ELL: variants seen among roughly 807,000 people sequenced by gnomAD.
The protein encoded by ELL is elongation factor for RNA polymerase II, also known as RNA polymerase II elongation factor ELL.
In ELL, 18 loss-of-function variants were observed where a neutral mutation model predicts 64.0. The ratio of observed to expected loss-of-function variants is 0.28; its 90% CI spans 0.19 to 0.42. ELL has a LOEUF of 0.42. ELL is among the 10% of genes least tolerant of loss of function. ELL has a pLI of 1.00. For synonymous variants in ELL, 399 were observed against 376.2 expected, an observed-to-expected ratio of 1.06 and a Z score of -0.70; for missense variants, 797 against 870.4, an observed-to-expected ratio of 0.92 and a Z score of 1.06.
intron 1 of ELL, among the ~76,000 whole-genome samples, chr19:18,504,527 C>T (rs1357906542): frequency 1.3e-5 from 2 of 152,176 alleles, no homozygotes; most frequent in African/African-American, 4.8e-5. Flanking sequence ...AACCTGCAGC[C>T]TGGGTCCGGT....
At chr19:18,521,727 T>C (rs1033911038) in intron 1 of ELL, among the ~76,000 whole-genome samples, 194 bp downstream of exon 1, 2 of 152,006 alleles carry the variant, frequency 1.3e-5, no homozygotes, top group Non-Finnish European at 2.9e-5. Context: ...TATTGCCTCC[T>C]AGTGCTGAGA....
At position 18,468,178 on chromosome 19, in the gene ELL, CACA is replaced by C. The variant is rs771719298; in HGVS notation, c.184-2263_184-2261del. Among the ~76,000 whole-genome samples, 103 of 150,864 alleles carry C rather than the reference CACA, an allele frequency of 6.8e-4. 1 individual carries two copies. The highest frequency in any genetic ancestry group is 1.6e-3 in the African/African-American group (64 of 41,052). ...AACACAACTCACACATAACCACACA[CACA>C]ACCACAACCCACACAAACACAACCC... On this transcript the variant is annotated intron_variant, in intron 2 of 11. Transcript: ENST00000262809.
chr19:18,486,436 G>A (rs916833297), intron 1 of ELL, among the ~76,000 whole-genome samples: 2 of 152,170 alleles, frequency 1.3e-5, no homozygotes, highest in African/African-American at 4.8e-5. Flanking sequence ...AGGTCAGAAG[G>A]AGATGGCAGC....
chr19:18,445,894 T>C (rs1240308822), intron 10 of ELL, among the ~76,000 whole-genome samples: 2 of 152,146 alleles, frequency 1.3e-5, no homozygotes, highest in South Asian at 4.1e-4. Context: ...CCTGCTATAG[T>C]TGTGGCAGCA....
chr19:18,474,112 T>A, intron 1 of ELL, among the ~76,000 whole-genome samples: 1 of 152,304 alleles, frequency 6.6e-6, no homozygotes, highest in East Asian at 1.9e-4. Flanking sequence ...TCAGCACTGT[T>A]CCAGGACTCC....
chr19:18,502,159 C>T (rs113023958), intron 1 of ELL, among the ~76,000 whole-genome samples: 4 of 152,242 alleles, frequency 2.6e-5, no homozygotes, highest in Non-Finnish European at 4.4e-5. Context: ...CAGGAGCACC[C>T]GGGAGGCTCC....
intron 6 of ELL, among the ~76,000 whole-genome samples, chr19:18,457,840 G>T (rs1365683733): frequency 6.6e-6 from 1 of 152,226 alleles, no homozygotes; most frequent in South Asian, 2.1e-4. Context: ...TTTTCAAAAA[G>T]TCAGTGAACT....
chr19:18,518,515 C>A (rs958758813), intron 1 of ELL, among the ~76,000 whole-genome samples: 1 of 149,836 alleles, frequency 6.7e-6, no homozygotes, highest in African/African-American at 2.5e-5. Flanking sequence ...GGGGGCCCAG[C>A]GTGGCGACTC....
At chr19:18,476,582 T>C (rs1321515320) in intron 1 of ELL, among the ~76,000 whole-genome samples, 1 of 152,148 alleles carries the variant, frequency 6.6e-6, no homozygotes, top group Admixed American at 6.5e-5. Context: ...ACTCCTTTCT[T>C]GCCAAGTCGC....
chr19:18,521,768 A>G (rs955315746), intron 1 of ELL, among the ~76,000 whole-genome samples, 153 bp downstream of exon 1: 2 of 151,932 alleles, frequency 1.3e-5, no homozygotes, highest in Non-Finnish European at 2.9e-5. Context: ...TCCAGGCCGG[A>G]CTGGCGCCCA....
rs775267933 is a variant in ELL at position 18,444,820 on chromosome 19, T to C, written c.1798A>G (p.Ser600Gly). Residue 600 changes from serine to glycine, a missense_variant, in exon 12 of 12, where the codon AGC becomes GGC. By Grantham distance (56) the Ser-to-Gly change is moderately conservative. Transcript: ENST00000262809. Reference sequence around the variant, plus strand: ...AGCCTCTTGATGTGGGCCAGCTTGCTGTGCAGGTACTCGCAGCGGTGCTTC... The same window carrying C: ...AGCCTCTTGATGTGGGCCAGCTTGCCGTGCAGGTACTCGCAGCGGTGCTTC... ...QEKHRCEYLH[S>G]KLAHIKRLIA... 5.0e-6 allele frequency: 8 copies of C among 1,612,078 alleles called. No homozygotes were observed. Among genetic ancestry groups the C allele is most frequent in the Non-Finnish European group, 6.8e-6 (8 of 1,179,950 alleles).
intron 8 of ELL, chr19:18,448,511 A>G (rs1480027187): frequency 6.6e-6 from 1 of 152,248 alleles, no homozygotes; most frequent in Non-Finnish European, 1.5e-5. Flanking sequence ...CTCAATGGGC[A>G]TGTATTGAAT....
At chr19:18,514,510 T>A in intron 1 of ELL, among the ~76,000 whole-genome samples, 1 of 106,816 alleles carries the variant, frequency 9.4e-6, no homozygotes, top group Non-Finnish European at 1.7e-5. Context: ...TGAGACTCCA[T>A]CTCAAAAAAA....
At chr19:18,472,734 A>T in intron 2 of ELL, 101 bp downstream of exon 2, 3 of 1,436,594 alleles carry the variant, frequency 2.1e-6, no homozygotes, top group Non-Finnish European at 2.9e-6. Flanking sequence ...ACAGGGCCCA[A>T]ACACTGCCAT....
At position 18,443,492 on chromosome 19, in the gene ELL, AC is replaced by A. The variant is rs753033511; in HGVS notation, c.*1259del. 130 of 233,142 alleles carry A rather than the reference AC, an allele frequency of 5.6e-4. 1 individual carries two copies. In the East Asian group the frequency reaches 6.2e-3, roughly 11 times the overall value. The allele number at this position is 233,142 out of a possible 1,614,324, so 14.4% of individuals were successfully genotyped here. A position where few individuals can be genotyped will look rare whatever the true frequency, so the allele number is the denominator to read the frequency against. On this transcript the variant is annotated 3_prime_UTR_variant, in exon 12 of 12. Transcript: ENST00000262809. ...GGGCCCTGAGTCACAGCCGCCATCC[AC>A]CCCCCACCACCTTTCCAAGTCATGG...
intron 1 of ELL, among the ~76,000 whole-genome samples, chr19:18,490,273 G>C (rs552421629): frequency 7.0e-6 from 1 of 143,804 alleles, no homozygotes; most frequent in African/African-American, 2.5e-5. Flanking sequence ...AACCATTTGA[G>C]GGCCGGCTGG....
intron 1 of ELL, among the ~76,000 whole-genome samples, chr19:18,512,154 C>CAA (rs35682497): frequency 5.9e-4 from 79 of 134,522 alleles, no homozygotes; most frequent in African/African-American, 1.9e-3. Context: ...GACTCCGTCT[C>CAA]AAAAAAAAAA....
chr19:18,471,600 C>T (rs1975066320), intron 2 of ELL, among the ~76,000 whole-genome samples: 1 of 152,072 alleles, frequency 6.6e-6, no homozygotes. Flanking sequence ...TCCAGGAGGC[C>T]GAAGTTGCAG....
chr19:18,447,142 G>A (rs946564232), intron 8 of ELL, among the ~76,000 whole-genome samples: 1 of 152,250 alleles, frequency 6.6e-6, no homozygotes, highest in Non-Finnish European at 1.5e-5. Context: ...TCAGGGAACT[G>A]CAGGGCCAAA....
Sources: allele counts gnomAD v4.1 joint callset (sites outside exome capture counted in the v4.1 genomes callset), GRCh38; gene constraint gnomAD v4.1.1; transcripts MANE v1.5; gene names NCBI Gene and HGNC (gene_info 2026-07-23, HGNC 2026-07-21).